Variants in USH2A observed in about 807,000 individuals in gnomAD.
The protein encoded by USH2A is Usher syndrome 2A (autosomal recessive, mild).
A neutral mutation model predicts 538.9 loss-of-function variants in USH2A; 443 were observed. The ratio of observed to expected loss-of-function variants is 0.82; its 90% confidence interval spans 0.76 to 0.89. The LOEUF (loss-of-function observed/expected upper bound fraction) is 0.89. Among genes scored for constraint, USH2A ranks in the 40% least tolerant of loss-of-function variants. The pLI, the probability that USH2A is intolerant of heterozygous loss-of-function variation, is 0.00. For missense variants in USH2A, 6,633 were observed against 6,324.8 expected, an observed-to-expected ratio of 1.05 and a Z score of -1.65; for synonymous variants, 2,413 against 2,273.5, an observed-to-expected ratio of 1.06 and a Z score of -1.75.
intron 9 of USH2A, among the ~76,000 whole-genome samples, chr1:216,315,484 G>C (rs1239306642): frequency 6.6e-6 from 1 of 152,166 alleles, no homozygotes; most frequent in African/African-American, 2.4e-5. Context: ...AAGCATAAGA[G>C]AACGTTTGGG....
chr1:215,846,458 C>T (rs942194244), intron 44 of USH2A, among the ~76,000 whole-genome samples: 2 of 152,126 alleles, frequency 1.3e-5, no homozygotes, highest in Admixed American at 1.3e-4. Flanking sequence ...AAGTGATTCA[C>T]CCACCTCAGC....
intron 11 of USH2A, among the ~76,000 whole-genome samples, chr1:216,279,132 C>A (rs1320560767): frequency 6.6e-6 from 1 of 152,120 alleles, no homozygotes; most frequent in African/African-American, 2.4e-5. Flanking sequence ...ATTACAGTAA[C>A]CTATTGATGC....
intron 11 of USH2A, among the ~76,000 whole-genome samples, chr1:216,264,711 A>C (rs972729975): frequency 1.3e-5 from 2 of 152,170 alleles, no homozygotes; most frequent in African/African-American, 2.4e-5. Context: ...ACTGTCGTAA[A>C]ACAGACACAG....
chr1:216,011,503 T>C (rs572191267), intron 32 of USH2A, among the ~76,000 whole-genome samples: 9 of 152,202 alleles, frequency 5.9e-5, no homozygotes, highest in African/African-American at 1.9e-4. Flanking sequence ...CTCAATCCCT[T>C]ACAAAACAAC....
At chr1:216,204,940 G>A (rs1184031101) in intron 16 of USH2A, among the ~76,000 whole-genome samples, 2 of 152,046 alleles carry the variant, frequency 1.3e-5, no homozygotes, top group Non-Finnish European at 2.9e-5. Flanking sequence ...TTGTTTAATA[G>A]GATTATATAA....
intron 4 of USH2A, among the ~76,000 whole-genome samples, chr1:216,357,075 A>G (rs1462098598): frequency 6.6e-6 from 1 of 152,136 alleles, no homozygotes; most frequent in Non-Finnish European, 1.5e-5. Flanking sequence ...TGCTAGAATT[A>G]TAGAAACACT....
At chr1:215,992,041 C>T (rs1315751959) in intron 35 of USH2A, among the ~76,000 whole-genome samples, 1 of 152,074 alleles carries the variant, frequency 6.6e-6, no homozygotes, top group East Asian at 1.9e-4. Context: ...TCTCCATTAC[C>T]TCAAATATAT....
In USH2A at chr1:215,900,867, T is replaced by G. The variant is rs920986159; in HGVS notation, c.7339A>C (p.Thr2447Pro). ...GVLPPRLSSATPTSLQVVWST... is the reference protein window; with the variant it reads ...GVLPPRLSSAPPTSLQVVWST... ...CAGACAACCTGAAGACTGGTTGGAG[T>G]GGCAGATGAAAGCCTGGGAGGCAGC... Residue 2447 changes from threonine to proline, a missense_variant, in exon 39 of 72, where the codon ACT (threonine) becomes CCT (proline). Coordinates refer to ENST00000307340, the MANE Select transcript of USH2A (RefSeq NM_206933.4). 3 of 1,613,332 alleles carry G rather than the reference T, an allele frequency of 1.9e-6. No individual in the cohort carries two copies. The highest frequency in any genetic ancestry group is 1.7e-6 in the Non-Finnish European group (2 of 1,179,696).
intron 9 of USH2A, among the ~76,000 whole-genome samples, chr1:216,298,535 A>G (rs1425395484): frequency 6.6e-6 from 1 of 152,184 alleles, no homozygotes; most frequent in Non-Finnish European, 1.5e-5. Context: ...ACCCAATGGA[A>G]TGGTTCTGGT....
At chr1:215,645,325 C>T (rs956556938) in intron 67 of USH2A, among the ~76,000 whole-genome samples, 1 of 151,956 alleles carries the variant, frequency 6.6e-6, no homozygotes, top group African/African-American at 2.4e-5. Flanking sequence ...AGCTCAGTGA[C>T]CATGAGTTCA....
intron 71 of USH2A, 58 bp from the exon 72 acceptor site, chr1:215,625,928 C>T (rs959477403): frequency 9.4e-5 from 141 of 1,496,642 alleles, no homozygotes; most frequent in Non-Finnish European, 1.1e-4. Context: ...TATTTGCTAT[C>T]AATTTATAGT....
intron 34 of USH2A, 80 bp from the exon 35 acceptor site, chr1:215,993,247 TAA>T: frequency 6.2e-7 from 1 of 1,607,318 alleles, no homozygotes; most frequent in Non-Finnish European, 8.5e-7. Context: ...GAATTCATAA[TAA>T]GAGTTTCAGA....
intron 21 of USH2A, among the ~76,000 whole-genome samples, chr1:216,133,581 G>A (rs1433489662): frequency 6.6e-6 from 1 of 152,058 alleles, no homozygotes; most frequent in Non-Finnish European, 1.5e-5. Flanking sequence ...CTCAGCTGAG[G>A]AATTAGAAGC....
intron 58 of USH2A, among the ~76,000 whole-genome samples, chr1:215,748,209 G>T (rs1409465773): frequency 2.0e-5 from 3 of 152,132 alleles, no homozygotes; most frequent in Non-Finnish European, 4.4e-5. Context: ...GAGTGCAGTG[G>T]CATGATCTTG....
Position 215,743,179 on chromosome 1 carries a change from T to C in USH2A, c.11546A>G (p.Asn3849Ser). Residue 3849 changes from asparagine (N) to serine (S), a missense_variant and splice_region_variant, in exon 59 of 72, where the codon AAT becomes AGT. Physicochemically the swap from Asn to Ser is conservative, Grantham distance 46 (BLOSUM62 1). Coordinates refer to ENST00000307340, the MANE Select transcript of USH2A (RefSeq NM_206933.4). ...QYEIRIQACQNGSCGVSSRMF... is the reference protein window; with the variant it reads ...QYEIRIQACQSGSCGVSSRMF... ...CCAAGTGTCTGAAAGACTTTCACCA[T>C]TTTGACATGCTTGTATCCTTATCTC... 6.2e-7 allele frequency: 1 copy of C among 1,609,304 alleles called. No homozygotes were observed. The highest frequency in any genetic ancestry group is 8.5e-7 in the Non-Finnish European group (1 of 1,177,288).
chr1:216,245,731 A>T (rs2036027343), intron 13 of USH2A, among the ~76,000 whole-genome samples: 1 of 152,194 alleles, frequency 6.6e-6, no homozygotes, highest in African/African-American at 2.4e-5. Context: ...GACCAATGCC[A>T]AAGGAAAAGC....
At chr1:216,254,013 A>C (rs1419483227) in intron 11 of USH2A, among the ~76,000 whole-genome samples, 1 of 152,120 alleles carries the variant, frequency 6.6e-6, no homozygotes, top group Non-Finnish European at 1.5e-5. Context: ...AGACATCTCA[A>C]AAGTGTATAA....
intron 62 of USH2A, 141 bp from the exon 63 acceptor site, chr1:215,675,757 G>A (rs1230747719): frequency 6.7e-7 from 1 of 1,497,206 alleles, no homozygotes; most frequent in Admixed American, 2.0e-5. Flanking sequence ...TATTAATTGG[G>A]GATATGTGAT....
At chr1:215,712,360 C>G (rs1659360724) in intron 61 of USH2A, among the ~76,000 whole-genome samples, 1 of 152,182 alleles carries the variant, frequency 6.6e-6, no homozygotes, top group African/African-American at 2.4e-5. Context: ...AAGTTCTTTC[C>G]TGCCTCTTTT....
Sources: gnomAD v4.1 joint callset for allele counts (sites outside exome capture counted in the v4.1 genomes callset) on GRCh38, gnomAD v4.1.1 for gene constraint, MANE v1.5 for transcripts, NCBI Gene and HGNC (gene_info 2026-07-23, HGNC 2026-07-21) for gene names.